PPP1R9A: variants seen among roughly 807,000 people sequenced by gnomAD.
PPP1R9A encodes the protein protein phosphatase 1 regulatory subunit 9A, also known as neurabin-1.
A neutral mutation model predicts 141.9 loss-of-function variants in PPP1R9A; 59 were observed. The ratio of observed to expected loss-of-function variants is 0.42; its 90% confidence interval spans 0.34 to 0.52. The LOEUF is 0.52. Ranked by LOEUF, PPP1R9A falls within the 20% of genes least tolerant of loss-of-function variation. The probability of loss-of-function intolerance (pLI) is 0.10; values close to 1 mark genes in which losing one functional copy is unlikely to be tolerated. For synonymous variants in PPP1R9A, 500 were observed against 569.7 expected (o/e 0.88, Z 1.74); for missense variants, 1,444 against 1,611.9 (o/e 0.90, Z 1.78).
intron 2 of PPP1R9A, among the ~76,000 whole-genome samples, chr7:95,012,490 A>G (rs1284677935): frequency 6.6e-6 from 1 of 152,160 alleles, no homozygotes; most frequent in Non-Finnish European, 1.5e-5. Context: ...TTGGGCAGGG[A>G]CACAGATCCA....
rs796436060 is a variant in PPP1R9A at position 94,976,871 on chromosome 7, A to G, written c.1395+65363A>G. Reference sequence around the variant, plus strand: ...GGTATTGGGGATACTACAGTGACCAAAACAGACATGGTCCCTTCTTTATGT... The same window carrying G: ...GGTATTGGGGATACTACAGTGACCAGAACAGACATGGTCCCTTCTTTATGT... On this transcript the variant is annotated intron_variant, in intron 2 of 19. Coordinates refer to ENST00000433360, the MANE Select transcript of PPP1R9A (RefSeq NM_001166160.2). Among the ~76,000 whole-genome samples, 90 of 152,242 alleles carry G rather than the reference A, an allele frequency of 5.9e-4. 1 individual carries two copies. Among genetic ancestry groups the G allele is most frequent in the African/African-American group, 2.1e-3 (86 of 41,538 alleles).
At chr7:95,036,242 A>T (rs1044339252) in intron 2 of PPP1R9A, 4 of 152,244 alleles carry the variant, frequency 2.6e-5, no homozygotes, top group Non-Finnish European at 4.4e-5. Flanking sequence ...AATGTATCAC[A>T]CATAAAAAGG....
intron 5 of PPP1R9A, among the ~76,000 whole-genome samples, chr7:95,186,008 T>C (rs1385919901): frequency 6.7e-6 from 1 of 148,156 alleles, no homozygotes; most frequent in African/African-American, 2.5e-5. Flanking sequence ...CTATGCAGGC[T>C]CTTTTTTTGT....
At chr7:95,182,613 A>G (rs941330313) in intron 5 of PPP1R9A, among the ~76,000 whole-genome samples, 1 of 152,192 alleles carries the variant, frequency 6.6e-6, no homozygotes, top group Non-Finnish European at 1.5e-5. Context: ...TTTGAATAAT[A>G]AAGTGTTATA....
chr7:94,990,884 T>A lies in PPP1R9A; in HGVS notation c.1395+79376T>A, dbSNP rs578228321. On this transcript the variant is annotated intron_variant, in intron 2 of 19. Coordinates refer to ENST00000433360, the MANE Select transcript of PPP1R9A (RefSeq NM_001166160.2). Reference sequence around the variant, plus strand: ...TGTTATTGCAAATTACAGGATTTCCTTCTTTTTTATGGCTGAATAGTACTC... The same window carrying A: ...TGTTATTGCAAATTACAGGATTTCCATCTTTTTTATGGCTGAATAGTACTC... Among the ~76,000 whole-genome samples the A allele has an allele frequency of 3.3e-4, 51 of 152,306 alleles. 1 individual carries two copies. The highest frequency in any genetic ancestry group is 6.2e-4 in the Non-Finnish European group (42 of 68,006).
chr7:95,086,764 TTTGAAA>T (rs1816687585), intron 2 of PPP1R9A, among the ~76,000 whole-genome samples: 1 of 152,072 alleles, frequency 6.6e-6, no homozygotes, highest in African/African-American at 2.4e-5. Flanking sequence ...AGCACTCATA[TTTGAAA>T]TTTAGTCCAA....
At chr7:95,153,054 T>TG (rs1040072008) in intron 4 of PPP1R9A, among the ~76,000 whole-genome samples, 17 of 152,058 alleles carry the variant, frequency 1.1e-4, no homozygotes, top group African/African-American at 3.9e-4. Flanking sequence ...TTCACCATAT[T>TG]GGCCAGGCTG....
At chr7:95,023,303 T>G (rs1339399666) in intron 2 of PPP1R9A, among the ~76,000 whole-genome samples, 1 of 152,194 alleles carries the variant, frequency 6.6e-6, no homozygotes, top group Non-Finnish European at 1.5e-5. Flanking sequence ...TAGTTTGTAT[T>G]TCTTTGGGAT....
intron 2 of PPP1R9A, among the ~76,000 whole-genome samples, chr7:95,050,189 G>C (rs1275207144): frequency 6.6e-6 from 1 of 152,278 alleles, no homozygotes; most frequent in South Asian, 2.1e-4. Context: ...TCTAATACAT[G>C]TAGTGGGTAT....
chr7:94,985,032 G>A (rs942210586), intron 2 of PPP1R9A, among the ~76,000 whole-genome samples: 1 of 152,088 alleles, frequency 6.6e-6, no homozygotes, highest in Non-Finnish European at 1.5e-5. Flanking sequence ...GGTATGTTGT[G>A]TCTTCGTTCT....
At chr7:95,096,993 C>A (rs1004774767) in intron 2 of PPP1R9A, among the ~76,000 whole-genome samples, 1 of 152,118 alleles carries the variant, frequency 6.6e-6, no homozygotes, top group East Asian at 1.9e-4. Context: ...CCCTTTATTA[C>A]GGCCCTTATG....
chr7:94,933,057 G>A (rs1425288238), intron 2 of PPP1R9A, among the ~76,000 whole-genome samples: 3 of 151,656 alleles, frequency 2.0e-5, no homozygotes, highest in Non-Finnish European at 4.4e-5. Flanking sequence ...CACATATTTA[G>A]TGTCATATAT....
At chr7:94,918,778 G>A (rs1287379914) in intron 2 of PPP1R9A, among the ~76,000 whole-genome samples, 1 of 152,124 alleles carries the variant, frequency 6.6e-6, no homozygotes, top group Non-Finnish European at 1.5e-5. Context: ...TAGGAGTATG[G>A]CTTGGAATAT....
chr7:95,043,949 T>C (rs1417898676), intron 2 of PPP1R9A, among the ~76,000 whole-genome samples: 1 of 152,224 alleles, frequency 6.6e-6, no homozygotes, highest in East Asian at 1.9e-4. Flanking sequence ...TTTCTTAGGG[T>C]TTAAAGTACA....
intron 4 of PPP1R9A, among the ~76,000 whole-genome samples, chr7:95,146,636 C>T (rs1827674438): frequency 6.6e-6 from 1 of 152,134 alleles, no homozygotes; most frequent in South Asian, 2.1e-4. Context: ...TTAGGTCTTA[C>T]ATTTAAATCT....
chr7:94,930,077 T>A (rs1428268188), intron 2 of PPP1R9A, among the ~76,000 whole-genome samples: 1 of 152,192 alleles, frequency 6.6e-6, no homozygotes, highest in Non-Finnish European at 1.5e-5. Flanking sequence ...GATCCAATAG[T>A]TGCAAAATAC....
At position 94,910,759 on chromosome 7, in the gene PPP1R9A, A is replaced by G. The variant is rs145154714; in HGVS notation, c.646A>G (p.Ser216Gly). Residue 216 changes from serine to glycine, a missense_variant, in exon 2 of 20, where the codon AGT becomes GGT. Coordinates refer to ENST00000433360, the MANE Select transcript of PPP1R9A (RefSeq NM_001166160.2). The surrounding 1 kb of genome is among the most constrained non-coding windows in gnomAD (Gnocchi z 4.5). ...AGTATTTGAGAACACTGATTCTCCC[A>G]GTGCCATCATTTCTGAGAAGGCTGA... ...SAVFENTDSPSAIISEKAENN... is the reference protein window; with the variant it reads ...SAVFENTDSPGAIISEKAENN... 6.2e-7 allele frequency: 1 copy of G among 1,614,048 alleles called. No homozygotes were observed. Among genetic ancestry groups the G allele is most frequent in the African/African-American group, 1.3e-5 (1 of 74,940 alleles).
chr7:95,029,976 CG>C (rs1807434167), intron 2 of PPP1R9A, among the ~76,000 whole-genome samples: 1 of 152,166 alleles, frequency 6.6e-6, no homozygotes, highest in Admixed American at 6.5e-5. Flanking sequence ...CTAGGGCTCT[CG>C]CCTTTGCAGT....
intron 4 of PPP1R9A, among the ~76,000 whole-genome samples, chr7:95,151,941 CTTTTTTTTT>C (rs1167382285): frequency 7.0e-4 from 38 of 54,458 alleles, no homozygotes; most frequent in African/African-American, 2.5e-3. Flanking sequence ...TACTGAGAAT[CTTTTTTTTT>C]TTTTTTTTTT....
Sources: gnomAD v4.1 joint callset for allele counts (sites outside exome capture counted in the v4.1 genomes callset) on GRCh38, gnomAD v4.1.1 for gene constraint, Gnocchi (gnomAD v3.1) non-coding constraint, MANE v1.5 for transcripts, NCBI Gene and HGNC (gene_info 2026-07-23, HGNC 2026-07-21) for gene names.